The following POC1B variants were observed in gnomAD, a reference collection of about 807,000 sequenced individuals.
POC1B encodes the protein POC1 centriolar protein homolog B.
Under a neutral mutation model 60.6 loss-of-function variants are expected in POC1B, and 44 were observed. That is an observed-to-expected ratio of 0.73 (90% CI 0.57 to 0.93). The LOEUF is 0.93. POC1B is among the 40% of genes least tolerant of loss of function. The probability of loss-of-function intolerance (pLI) is 0.00; values close to 1 mark genes in which losing one functional copy is unlikely to be tolerated. For synonymous variants in POC1B, 180 were observed against 198.9 expected, an observed-to-expected ratio of 0.90 and a Z score of 0.80; for missense variants, 555 against 572.3, an observed-to-expected ratio of 0.97 and a Z score of 0.31.
intron 3 of POC1B, among the ~76,000 whole-genome samples, chr12:89,492,500 T>C (rs1414705672): frequency 6.6e-6 from 1 of 152,226 alleles, no homozygotes; most frequent in African/African-American, 2.4e-5. Context: ...TCACCTTACA[T>C]TGTATCTAGG....
intron 10 of POC1B, among the ~76,000 whole-genome samples, chr12:89,432,360 C>T (rs1163487266): frequency 1.5e-5 from 2 of 129,726 alleles, no homozygotes; most frequent in Non-Finnish European, 1.5e-5. Context: ...TACTTCCAGC[C>T]TGGGCAACGA....
intron 2 of POC1B, among the ~76,000 whole-genome samples, chr12:89,499,881 T>C (rs1869456694): frequency 6.6e-6 from 1 of 152,206 alleles, no homozygotes; most frequent in South Asian, 2.1e-4. Flanking sequence ...GACATTAACG[T>C]GTTTGTTGAG....
chr12:89,500,667 T>C (rs2135746729), intron 2 of POC1B: 24 of 1,552,534 alleles, frequency 1.5e-5, no homozygotes, highest in Middle Eastern at 2.0e-4. Flanking sequence ...TCAGTAAATA[T>C]GCTGCCTTCA....
chr12:89,497,324 G>A lies in POC1B; in HGVS notation c.119C>T (p.Thr40Ile), dbSNP rs1339745170. Reference protein sequence around the residue: ...GKQLATASWDTFLMLWNFKPH... With the variant: ...GKQLATASWDIFLMLWNFKPH... The stretch of plus-strand genomic sequence containing the variant: ...CTTGAAATTCCATAGCATGAGAAAG[G>A]TATCCCAAGAAGCAGTAGCTATCAA... The change falls in exon 3 of 12, where the codon ACC becomes ATC. Residue 40 changes from threonine to isoleucine, a missense_variant. Transcript: ENST00000313546. The A allele has an allele frequency of 6.2e-7, 1 of 1,612,230 alleles. No homozygotes were observed.
chr12:89,512,739 G>A lies in POC1B; in HGVS notation c.100+12381C>T, dbSNP rs536524325. Reference sequence around the variant, plus strand: ...TGCATCACTGTACTCCAGACTAGGCGCCTTTATAAGTATTACTTTATTTAA... The same window carrying A: ...TGCATCACTGTACTCCAGACTAGGCACCTTTATAAGTATTACTTTATTTAA... On this transcript the variant is annotated intron_variant, in intron 2 of 11. Transcript: ENST00000313546. 3.1e-4 allele frequency among the ~76,000 whole-genome samples: 47 copies of A among 152,242 alleles called. No individual in the cohort carries two copies. The South Asian group carries it at 6.6e-3, about 21-fold the overall frequency.
At position 89,512,981 on chromosome 12, in the gene POC1B, T is replaced by C. The variant is rs1003552097; in HGVS notation, c.100+12139A>G. 3.9e-5 allele frequency among the ~76,000 whole-genome samples: 6 copies of C among 152,314 alleles called. No homozygotes were observed. The Middle Eastern group carries it at 0.01, about 259-fold the overall frequency. ...ATTTATGAATTATCTTCATTACAGT[T>C]ACTGGGATCCTTGTAAAAAAGACGT... On this transcript the variant is annotated intron_variant, in intron 2 of 11. Coordinates refer to ENST00000313546, the MANE Select transcript of POC1B (RefSeq NM_172240.3).
chr12:89,453,134 T>G (rs1453841777), intron 10 of POC1B, among the ~76,000 whole-genome samples: 1 of 152,260 alleles, frequency 6.6e-6, no homozygotes, highest in African/African-American at 2.4e-5. Context: ...ATGTATGTTC[T>G]GTTTTTTAAA....
intron 2 of POC1B, among the ~76,000 whole-genome samples, chr12:89,505,272 C>A (rs1869839160): frequency 6.6e-6 from 1 of 152,172 alleles, no homozygotes; most frequent in South Asian, 2.1e-4. Context: ...TTTGAAATAT[C>A]TATTGAAGCT....
intron 10 of POC1B, chr12:89,429,558 T>A (rs1057011618): frequency 1.2e-4 from 18 of 152,214 alleles, no homozygotes; most frequent in Non-Finnish European, 2.5e-4. Context: ...AAGGTGCTAA[T>A]ATTCAGTTCT....
At chr12:89,470,540 A>T in intron 6 of POC1B, 46 bp from the exon 7 acceptor site, 1 of 1,480,786 alleles carries the variant, frequency 6.8e-7, no homozygotes, top group Non-Finnish European at 9.2e-7. Flanking sequence ...AACAATTCTT[A>T]CTTTTGAAGA....
chr12:89,506,708 A>G (rs550618839), intron 2 of POC1B, among the ~76,000 whole-genome samples: 1 of 152,314 alleles, frequency 6.6e-6, no homozygotes, highest in East Asian at 1.9e-4. Flanking sequence ...TAAGAATTTC[A>G]TAGCATTAAA....
intron 1 of POC1B, 200 bp from the exon 2 acceptor site, chr12:89,525,404 C>G (rs1440361572): frequency 3.6e-6 from 5 of 1,390,508 alleles, no homozygotes; most frequent in Non-Finnish European, 4.6e-6. Context: ...GGCGCCAGCT[C>G]TCCCCGCAGA....
At chr12:89,514,134 C>T (rs1870321216) in intron 2 of POC1B, among the ~76,000 whole-genome samples, 1 of 152,104 alleles carries the variant, frequency 6.6e-6, no homozygotes. Flanking sequence ...CCTGGAGGGA[C>T]ATGATTGGAT....
Position 89,472,111 on chromosome 12 carries a change from A to T in POC1B, c.560+57T>A, listed in dbSNP as rs1882922712. Reference sequence around the variant, plus strand: ...TCATTTATTTATTTAAATTGTTATAATCAAACGTCTCCTTAGAAAACTAAC... The same window carrying T: ...TCATTTATTTATTTAAATTGTTATATTCAAACGTCTCCTTAGAAAACTAAC... On this transcript the variant is annotated intron_variant, in intron 5 of 11. Coordinates refer to ENST00000313546, the MANE Select transcript of POC1B (RefSeq NM_172240.3). 2.6e-6 allele frequency: 3 copies of T among 1,142,142 alleles called. No individual in the cohort carries two copies. The Admixed American group carries it at 6.2e-5, about 24-fold the overall frequency. 70.8% of individuals were successfully genotyped at this position (1,142,142 alleles called of 1,614,324 possible).
At chr12:89,450,123 A>T (rs1025167531) in intron 10 of POC1B, among the ~76,000 whole-genome samples, 10 of 152,244 alleles carry the variant, frequency 6.6e-5, no homozygotes, top group African/African-American at 9.6e-5. Flanking sequence ...AATGCAGCTA[A>T]ACCTATCAAA....
At chr12:89,416,988 C>T (rs565693557), downstream of POC1B, among the ~76,000 whole-genome samples, 51 of 152,284 alleles carry the variant, frequency 3.3e-4, no homozygotes, top group South Asian at 5.0e-3. Flanking sequence ...TATCAACTTA[C>T]CTTCTTTCCA....
intron 3 of POC1B, among the ~76,000 whole-genome samples, chr12:89,493,283 C>T (rs190012869): frequency 3.3e-5 from 5 of 152,336 alleles, no homozygotes; most frequent in African/African-American, 1.2e-4. Flanking sequence ...GATTTGTCTC[C>T]TCTTAAGCAG....
At chr12:89,523,250 T>A in intron 2 of POC1B, 1 of 1,614,008 alleles carries the variant, frequency 6.2e-7, no homozygotes, top group Admixed American at 1.7e-5. Flanking sequence ...ACATGTAAAT[T>A]AGGAAAAACG....
At chr12:89,517,120 T>C (rs536163786) in intron 2 of POC1B, among the ~76,000 whole-genome samples, 1 of 152,280 alleles carries the variant, frequency 6.6e-6, no homozygotes, top group East Asian at 1.9e-4. Context: ...CCCCTACAGC[T>C]TCATCTCTGT....
Sources: allele counts gnomAD v4.1 joint callset (sites outside exome capture counted in the v4.1 genomes callset), GRCh38; gene constraint gnomAD v4.1.1; transcripts MANE v1.5; gene names NCBI Gene and HGNC (gene_info 2026-07-23, HGNC 2026-07-21).